GRIK2: variants seen among roughly 807,000 people sequenced by gnomAD.
GRIK2 encodes glutamate ionotropic receptor kainate type subunit 2, also known as glutamate receptor ionotropic, kainate 2.
In GRIK2, 32 loss-of-function variants were observed where a neutral mutation model predicts 100.3. The ratio of observed to expected loss-of-function variants is 0.32; its 90% CI spans 0.24 to 0.43. GRIK2 has a LOEUF of 0.43. GRIK2 is among the 20% of genes least tolerant of loss of function. GRIK2 has a pLI of 1.00. For synonymous variants in GRIK2, 417 were observed against 389.4 expected, an observed-to-expected ratio of 1.07 and a Z score of -0.83; for missense variants, 843 against 1,114.9, an observed-to-expected ratio of 0.76 and a Z score of 3.47.
intron 7 of GRIK2, among the ~76,000 whole-genome samples, chr6:101,730,164 T>C (rs2128370528): frequency 6.6e-6 from 1 of 152,092 alleles, no homozygotes; most frequent in East Asian, 1.9e-4. Flanking sequence ...GTTGATGTAC[T>C]TTATCATGTC....
Position 101,499,158 on chromosome 6 carries a change from C to T in GRIK2, c.115+99766C>T, listed in dbSNP as rs115260435. 4.1e-3 allele frequency among the ~76,000 whole-genome samples: 631 copies of T among 152,120 alleles called. 2 individuals carry two copies. The highest frequency in any genetic ancestry group is 0.015 in the African/African-American group (604 of 41,528). On this transcript the variant is annotated intron_variant, in intron 2 of 16. Coordinates refer to ENST00000369134, the MANE Select transcript of GRIK2 (RefSeq NM_021956.5). Reference sequence around the variant, plus strand: ...GATTAAAGACTTAAACGTTAGACAACCTTATTTTTTATTAATACTGTTATA... The same window carrying T: ...GATTAAAGACTTAAACGTTAGACAATCTTATTTTTTATTAATACTGTTATA...
chr6:101,606,505 A>C (rs1009757483), intron 2 of GRIK2, among the ~76,000 whole-genome samples: 1 of 151,916 alleles, frequency 6.6e-6, no homozygotes, highest in African/African-American at 2.4e-5. Context: ...GAGACCTTTA[A>C]GCTCCTCAGA....
chr6:101,665,629 G>T (rs181983093), intron 4 of GRIK2, among the ~76,000 whole-genome samples: 1 of 152,310 alleles, frequency 6.6e-6, no homozygotes, highest in East Asian at 1.9e-4. Flanking sequence ...GTTATGAATT[G>T]CTGTTGGATA....
At chr6:101,586,912 AAG>A in intron 2 of GRIK2, among the ~76,000 whole-genome samples, 1 of 149,356 alleles carries the variant, frequency 6.7e-6, no homozygotes, top group African/African-American at 2.5e-5. Context: ...AAAAAAAAAA[AAG>A]AGAGATATCA....
intron 2 of GRIK2, among the ~76,000 whole-genome samples, chr6:101,495,538 A>T (rs1304111450): frequency 6.6e-6 from 1 of 151,992 alleles, no homozygotes; most frequent in East Asian, 1.9e-4. Context: ...AATAAATAAG[A>T]TGCAGATAAA....
intron 7 of GRIK2, among the ~76,000 whole-genome samples, chr6:101,777,840 A>G (rs970542183): frequency 6.6e-6 from 1 of 152,182 alleles, no homozygotes; most frequent in Non-Finnish European, 1.5e-5. Flanking sequence ...AATGTGTTCA[A>G]GGAACTGTTA....
At chr6:101,670,035 C>T (rs1770311359) in intron 4 of GRIK2, among the ~76,000 whole-genome samples, 1 of 152,000 alleles carries the variant, frequency 6.6e-6, no homozygotes. Context: ...ATTCTGCATT[C>T]TGTATTTAAA....
chr6:101,601,592 A>G (rs1779216305), intron 2 of GRIK2, among the ~76,000 whole-genome samples: 1 of 151,890 alleles, frequency 6.6e-6, no homozygotes, highest in Middle Eastern at 3.4e-3. Context: ...AGTTTTTGTT[A>G]CTGATTCAAT....
intron 7 of GRIK2, among the ~76,000 whole-genome samples, chr6:101,737,425 G>T (rs1324530894): frequency 1.3e-5 from 2 of 152,224 alleles, no homozygotes; most frequent in South Asian, 2.1e-4. Context: ...ATGGCAGAAG[G>T]CAAGGAGGAG....
chr6:101,710,055 C>T (rs1467541628), intron 7 of GRIK2, among the ~76,000 whole-genome samples: 1 of 151,818 alleles, frequency 6.6e-6, no homozygotes, highest in Non-Finnish European at 1.5e-5. Flanking sequence ...GGCAAATACT[C>T]CTACAAAACA....
intron 6 of GRIK2, among the ~76,000 whole-genome samples, chr6:101,683,273 T>A (rs1443061632): frequency 6.6e-6 from 1 of 152,198 alleles, no homozygotes; most frequent in Non-Finnish European, 1.5e-5. Flanking sequence ...TATTCACTTT[T>A]TGAAAATCAG....
intron 14 of GRIK2, among the ~76,000 whole-genome samples, chr6:101,978,140 T>C (rs1793506423): frequency 6.6e-6 from 1 of 151,940 alleles, no homozygotes; most frequent in Admixed American, 6.6e-5. Flanking sequence ...CCAGGTGGCT[T>C]CTGATCTTCA....
intron 7 of GRIK2, among the ~76,000 whole-genome samples, chr6:101,728,795 A>T (rs899414799): frequency 6.6e-6 from 1 of 152,100 alleles, no homozygotes; most frequent in Non-Finnish European, 1.5e-5. Context: ...TTGTCTTCCA[A>T]TCAGGAACAT....
At position 102,053,093 on chromosome 6, in the gene GRIK2, C is replaced by CA. The variant is rs771596484; in HGVS notation, c.2312-2236dup. ...CAAAGACAAACAACAACAACAACAA[C>CA]ACACACACACACACACACACATACA... On this transcript the variant is annotated intron_variant, in intron 15 of 16. Transcript: ENST00000369134. 2.2e-4 allele frequency among the ~76,000 whole-genome samples: 33 copies of CA among 149,540 alleles called. 1 individual carries two copies. The highest frequency in any genetic ancestry group is 6.1e-4 in the African/African-American group (25 of 40,800).
intron 9 of GRIK2, among the ~76,000 whole-genome samples, chr6:101,807,575 A>G (rs993077356): frequency 1.6e-4 from 25 of 152,038 alleles, no homozygotes; most frequent in Admixed American, 2.6e-4. Context: ...CATAGTGGAA[A>G]GAAATGAAGA....
intron 14 of GRIK2, among the ~76,000 whole-genome samples, chr6:102,009,094 T>A (rs1795390735): frequency 6.6e-6 from 1 of 152,094 alleles, no homozygotes; most frequent in Non-Finnish European, 1.5e-5. Flanking sequence ...AAGTATTTAT[T>A]AGATTGTTTT....
intron 10 of GRIK2, among the ~76,000 whole-genome samples, chr6:101,836,113 C>T (rs1055659166): frequency 3.3e-5 from 5 of 151,658 alleles, no homozygotes; most frequent in Non-Finnish European, 2.9e-5. Context: ...TCTGCTGTTG[C>T]AGTTGTTCAC....
At chr6:101,983,696 C>T (rs1793850983) in intron 14 of GRIK2, among the ~76,000 whole-genome samples, 1 of 151,714 alleles carries the variant, frequency 6.6e-6, no homozygotes, top group African/African-American at 2.4e-5. Context: ...GAAATTTTAA[C>T]TTTTCTCACC....
intron 2 of GRIK2, among the ~76,000 whole-genome samples, chr6:101,575,208 T>C (rs1329096285): frequency 6.6e-6 from 1 of 151,876 alleles, no homozygotes; most frequent in Non-Finnish European, 1.5e-5. Flanking sequence ...CTATGATAGA[T>C]GGTAACATTG....
Sources: gnomAD v4.1 joint callset for allele counts (sites outside exome capture counted in the v4.1 genomes callset) on GRCh38, gnomAD v4.1.1 for gene constraint, MANE v1.5 for transcripts, NCBI Gene and HGNC (gene_info 2026-07-23, HGNC 2026-07-21) for gene names.